Variants in PTPRM observed in about 807,000 individuals in gnomAD.
The protein encoded by PTPRM is protein tyrosine phosphatase receptor type M.
PTPRM carries 47 observed loss-of-function variants against 186.7 expected under a neutral mutation model. The observed-to-expected ratio is 0.25, with a 90% confidence interval of 0.20 to 0.32. PTPRM has a LOEUF of 0.32. PTPRM is among the 10% of genes least tolerant of loss of function. PTPRM has a pLI of 1.00. For synonymous variants in PTPRM, 668 were observed against 674.9 expected (o/e 0.99, Z 0.16); for missense variants, 1,494 against 1,865.0 (o/e 0.80, Z 3.66).
chr18:7,772,434 C>T (rs1190985406), intron 1 of PTPRM, among the ~76,000 whole-genome samples: 13 of 127,804 alleles, frequency 1.0e-4, no homozygotes, highest in African/African-American at 4.0e-4. Flanking sequence ...CTCCCTTCCC[C>T]TTCCCCTTCC....
chr18:7,812,096 T>G (rs1029490841), intron 2 of PTPRM, among the ~76,000 whole-genome samples: 3 of 151,770 alleles, frequency 2.0e-5, no homozygotes, highest in Non-Finnish European at 4.4e-5. Flanking sequence ...TTAAACACAT[T>G]TTCAATTTGA....
intron 1 of PTPRM, among the ~76,000 whole-genome samples, chr18:7,677,889 A>G (rs770451205): frequency 5.3e-5 from 8 of 151,944 alleles, no homozygotes; most frequent in Non-Finnish European, 1.0e-4. Context: ...CTTATCACCT[A>G]TCCTATTAGA....
intron 1 of PTPRM, among the ~76,000 whole-genome samples, chr18:7,667,224 T>C (rs1261064900): frequency 6.6e-6 from 1 of 152,238 alleles, no homozygotes; most frequent in Non-Finnish European, 1.5e-5. Context: ...GATGATATCA[T>C]GTAACAGAAT....
chr18:7,866,627 T>G (rs2047713940), intron 2 of PTPRM, among the ~76,000 whole-genome samples: 1 of 152,194 alleles, frequency 6.6e-6, no homozygotes, highest in South Asian at 2.1e-4. Flanking sequence ...AATTTTAGAA[T>G]AAGTGTGATG....
chr18:8,252,386 C>T (rs566919814), intron 17 of PTPRM, 102 bp from the exon 18 acceptor site: 18 of 989,622 alleles, frequency 1.8e-5, no homozygotes, highest in South Asian at 7.8e-5. Context: ...AAAGTTAAAG[C>T]ATAAAATAAA....
At chr18:7,768,782 G>T (rs2042139826) in intron 1 of PTPRM, among the ~76,000 whole-genome samples, 1 of 151,924 alleles carries the variant, frequency 6.6e-6, no homozygotes, top group East Asian at 1.9e-4. Context: ...GAGTAGCTGG[G>T]ATTACAGGCA....
At chr18:7,960,422 G>C (rs2053579588) in intron 7 of PTPRM, among the ~76,000 whole-genome samples, 1 of 147,938 alleles carries the variant, frequency 6.8e-6, no homozygotes, top group African/African-American at 2.5e-5. Context: ...ATATTTTGGG[G>C]TACTGGAGGA....
Position 7,822,379 on chromosome 18 carries a change from C to A in PTPRM, c.196+48108C>A, listed in dbSNP as rs1006092319. On this transcript the variant is annotated intron_variant, in intron 2 of 32. Coordinates refer to ENST00000580170, the MANE Select transcript of PTPRM (RefSeq NM_001105244.2). ...ATTTATAGTGACTGAGAAAAAGGGG[C>A]AACATTAGTGATAGAACTCATTCAT... 1.5e-4 allele frequency among the ~76,000 whole-genome samples: 23 copies of A among 152,164 alleles called. 1 individual carries two copies. The highest frequency in any genetic ancestry group is 1.5e-3 in the Admixed American group (23 of 15,276).
At chr18:7,960,480 T>TATATATATATACAC (rs1300573371) in intron 7 of PTPRM, among the ~76,000 whole-genome samples, 10 of 86,586 alleles carry the variant, frequency 1.2e-4, no homozygotes, top group African/African-American at 4.4e-4. Flanking sequence ...TATATATATA[T>TATATATATATACAC]ACACACACAC....
At chr18:7,817,065 C>T (rs376932665) in intron 2 of PTPRM, among the ~76,000 whole-genome samples, 3 of 150,042 alleles carry the variant, frequency 2.0e-5, no homozygotes, top group Admixed American at 6.7e-5. Context: ...ACCTCTGCCT[C>T]GTGGGTTCAA....
intron 5 of PTPRM, among the ~76,000 whole-genome samples, chr18:7,941,535 G>A (rs1449518221): frequency 1.3e-5 from 2 of 152,198 alleles, no homozygotes; most frequent in African/African-American, 4.8e-5. Flanking sequence ...GTTTGGCTTT[G>A]TAGATATCTT....
intron 22 of PTPRM, among the ~76,000 whole-genome samples, chr18:8,321,782 A>G (rs567366517): frequency 1.1e-4 from 17 of 152,338 alleles, no homozygotes; most frequent in Admixed American, 5.9e-4. Flanking sequence ...TTTTTAATCT[A>G]ACATGCAGTC....
At chr18:7,876,116 C>CTG (rs35159405) in intron 2 of PTPRM, among the ~76,000 whole-genome samples, 8,076 of 149,792 alleles carry the variant, frequency 0.054, 295 homozygotes, top group Non-Finnish European at 0.083. Context: ...TGATGCATGA[C>CTG]TGTGTGTGTG....
intron 1 of PTPRM, among the ~76,000 whole-genome samples, chr18:7,691,761 A>G (rs375136057): frequency 3.3e-5 from 5 of 152,238 alleles, no homozygotes; most frequent in African/African-American, 1.2e-4. Flanking sequence ...AAACAGAAAA[A>G]ACAAAAAACA....
Position 7,568,724 on chromosome 18 carries a change from G to A in PTPRM, c.73+833G>A, listed in dbSNP as rs1435112666. 6.6e-6 allele frequency among the ~76,000 whole-genome samples: 1 copy of A among 152,162 alleles called. No individual in the cohort carries two copies. The highest frequency in any genetic ancestry group is 2.4e-5 in the African/African-American group (1 of 41,460). ...CGAGCAAGCGTGTGAGTGTGTGCGC[G>A]TGTGTGCCTGCACGCGCGCGCGGGG... On this transcript the variant is annotated intron_variant, in intron 1 of 32. Coordinates refer to ENST00000580170, the MANE Select transcript of PTPRM (RefSeq NM_001105244.2). This position sits in a 1 kb window ranked among gnomAD's most constrained non-coding sequence, Gnocchi z 5.1.
At position 8,040,395 on chromosome 18, in the gene PTPRM, A is replaced by G. The variant is rs145077045; in HGVS notation, c.1133-29291A>G. ...CAAAGTGTAAGGTTGCATTGGGCTCATGGTATGGGTGCAATTATTAAAGTT... is the reference window on the plus strand; with the variant it reads ...CAAAGTGTAAGGTTGCATTGGGCTCGTGGTATGGGTGCAATTATTAAAGTT... On this transcript the variant is annotated intron_variant, in intron 7 of 32. Transcript: ENST00000580170. Among the ~76,000 whole-genome samples the G allele has an allele frequency of 8.6e-3, 1,310 of 152,260 alleles. 10 individuals carry two copies. Among genetic ancestry groups the G allele is most frequent in the South Asian group, 0.017 (81 of 4,824 alleles).
At chr18:8,179,646 T>C (rs1475581334) in intron 14 of PTPRM, among the ~76,000 whole-genome samples, 1 of 151,976 alleles carries the variant, frequency 6.6e-6, no homozygotes, top group African/African-American at 2.4e-5. Flanking sequence ...ATTTTTGTAA[T>C]TTTAGTAGAG....
intron 19 of PTPRM, among the ~76,000 whole-genome samples, chr18:8,278,723 T>C (rs976325864): frequency 6.6e-6 from 1 of 152,178 alleles, no homozygotes; most frequent in Non-Finnish European, 1.5e-5. Context: ...ATCTCTCACA[T>C]GTGTGGGGTA....
chr18:7,731,508 T>G (rs1418249665), intron 1 of PTPRM, among the ~76,000 whole-genome samples: 2 of 152,190 alleles, frequency 1.3e-5, no homozygotes, highest in Non-Finnish European at 2.9e-5. Flanking sequence ...ATTTAATCCT[T>G]TAGTTTGCAG....
Sources: gnomAD v4.1 joint callset for allele counts (sites outside exome capture counted in the v4.1 genomes callset) on GRCh38, gnomAD v4.1.1 for gene constraint, Gnocchi (gnomAD v3.1) non-coding constraint, MANE v1.5 for transcripts, NCBI Gene and HGNC (gene_info 2026-07-23, HGNC 2026-07-21) for gene names.